TOP2B: variants seen among roughly 807,000 people sequenced by gnomAD.
TOP2B encodes the protein DNA topoisomerase II beta, also known as DNA topoisomerase 2-beta.
TOP2B carries 51 observed loss-of-function variants against 193.5 expected under a neutral mutation model. The ratio of observed to expected loss-of-function variants is 0.26; its 90% CI spans 0.21 to 0.33. The LOEUF is 0.33. Ranked by LOEUF, TOP2B falls within the 10% of genes least tolerant of loss-of-function variation. The pLI is 1.00. For missense variants in TOP2B, 1,378 were observed against 1,909.3 expected (o/e 0.72, Z 5.19); for synonymous variants, 634 against 635.7 (o/e 1.00, Z 0.04).
intron 27 of TOP2B, among the ~76,000 whole-genome samples, chr3:25,614,493 T>A (rs897916387): frequency 6.6e-6 from 1 of 151,946 alleles, no homozygotes. Flanking sequence ...CCTAGAAAAA[T>A]AGCACTAAAA....
At chr3:25,610,702 T>G (rs564935891) in intron 28 of TOP2B, among the ~76,000 whole-genome samples, 2 of 152,200 alleles carry the variant, frequency 1.3e-5, no homozygotes, top group Non-Finnish European at 2.9e-5. Flanking sequence ...TGAAGATTTT[T>G]AAGCCTAACA....
intron 16 of TOP2B, 72 bp downstream of exon 16, chr3:25,627,115 C>T (rs1702821845): frequency 2.8e-6 from 3 of 1,086,370 alleles, no homozygotes; most frequent in African/African-American, 1.6e-5. Context: ...CATAGGGAAC[C>T]AGGACTGGGA....
At chr3:25,652,152 A>G (rs544730788) in intron 1 of TOP2B, among the ~76,000 whole-genome samples, 194 of 152,348 alleles carry the variant, frequency 1.3e-3, no homozygotes, top group Non-Finnish European at 2.3e-3. Context: ...ATATGCATCT[A>G]ACATTACAGT....
rs148988871 is a variant in TOP2B, at chr3:25,603,885, G to T, written c.4489+875C>A. Among the ~76,000 whole-genome samples, 56 of 152,324 alleles carry T rather than the reference G, an allele frequency of 3.7e-4. 1 individual carries two copies. The East Asian group carries it at 0.011, about 29-fold the overall frequency. The stretch of plus-strand genomic sequence containing the variant: ...GTTAAAGGCAGCTGGGAGCAGGGGG[G>T]TGTTAATATTCCAGCACAGTGGCAA... On this transcript the variant is annotated intron_variant, in intron 33 of 35. Transcript: ENST00000264331.
intron 23 of TOP2B, among the ~76,000 whole-genome samples, chr3:25,619,180 T>C (rs182389005): frequency 1.3e-5 from 2 of 152,264 alleles, no homozygotes; most frequent in East Asian, 3.9e-4. Flanking sequence ...ACTGAAAACA[T>C]ACATATTCTA....
chr3:25,637,730 G>A (rs943361240), intron 5 of TOP2B, among the ~76,000 whole-genome samples: 12 of 151,784 alleles, frequency 7.9e-5, no homozygotes, highest in African/African-American at 2.9e-4. Context: ...AACCTATTTG[G>A]GCAACATAAA....
At chr3:25,623,201 A>C (rs1702707431) in intron 21 of TOP2B, among the ~76,000 whole-genome samples, 1 of 152,236 alleles carries the variant, frequency 6.6e-6, no homozygotes, top group African/African-American at 2.4e-5. Context: ...TTGAGAACAG[A>C]AACAAGGTTA....
At chr3:25,641,825 GA>G (rs1703271947) in intron 4 of TOP2B, among the ~76,000 whole-genome samples, 1 of 152,018 alleles carries the variant, frequency 6.6e-6, no homozygotes, top group Non-Finnish European at 1.5e-5. Context: ...CTATGTTTCT[GA>G]TTTAATGCTA....
intron 1 of TOP2B, among the ~76,000 whole-genome samples, chr3:25,659,086 C>T (rs1190629134): frequency 6.6e-6 from 1 of 152,192 alleles, no homozygotes; most frequent in Non-Finnish European, 1.5e-5. Context: ...GCAACGAGCC[C>T]CTTCTTTTAC....
At chr3:25,601,461 A>G (rs1173691716) in intron 33 of TOP2B, among the ~76,000 whole-genome samples, 2 of 152,154 alleles carry the variant, frequency 1.3e-5, no homozygotes, top group Admixed American at 1.3e-4. Context: ...TCTACTAAAA[A>G]TAAAAAAATT....
At chr3:25,634,064 A>C (rs1703034580) in intron 7 of TOP2B, 50 bp from the exon 8 acceptor site, 8 of 1,388,856 alleles carry the variant, frequency 5.8e-6, no homozygotes, top group Non-Finnish European at 6.9e-6. Flanking sequence ...CTGGCAGCTC[A>C]AATAGGTGAA....
chr3:25,634,778 C>CAAAAAAAAAAA (rs34755793), intron 7 of TOP2B, among the ~76,000 whole-genome samples: 1 of 26,564 alleles, frequency 3.8e-5, no homozygotes, highest in Non-Finnish European at 8.3e-5. Context: ...TCTCCCTTAC[C>CAAAAAAAAAAA]AAAAAAAAAA....
rs1373320118 is a variant in TOP2B, at chr3:25,626,868, A to G, written c.2017-4T>C. ...CAATCTTCTTCTTACTAAATGCCTG[A>G]AAGATTCCAGGTAACGATTTTGCAC... On this transcript the variant is annotated splice_region_variant and splice_polypyrimidine_tract_variant and intron_variant, in intron 16 of 35. Coordinates refer to ENST00000264331, the MANE Select transcript of TOP2B (RefSeq NM_001330700.2). 5.8e-6 allele frequency: 9 copies of G among 1,562,858 alleles called. No homozygotes were observed. The highest frequency in any genetic ancestry group is 1.3e-5 in the African/African-American group (1 of 74,138).
intron 6 of TOP2B, 73 bp downstream of exon 6, chr3:25,637,142 C>T: frequency 2.5e-6 from 3 of 1,195,526 alleles, no homozygotes; most frequent in Non-Finnish European, 3.6e-6. Flanking sequence ...TGCAATTTAC[C>T]CAAGGTTCTA....
chr3:25,609,466 T>C, intron 29 of TOP2B, 102 bp downstream of exon 29: 1 of 1,474,318 alleles, frequency 6.8e-7, no homozygotes, highest in Non-Finnish European at 9.1e-7. Context: ...TTGAAGGCAT[T>C]ATTTCAACTA....
At chr3:25,623,073 C>T (rs1469431952) in intron 21 of TOP2B, among the ~76,000 whole-genome samples, 1 of 152,198 alleles carries the variant, frequency 6.6e-6, no homozygotes, top group Non-Finnish European at 1.5e-5. Context: ...CCACCACGCC[C>T]AGCCTTGGGG....
intron 31 of TOP2B, 29 bp downstream of exon 31, chr3:25,607,137 TAACTA>T (rs1377194653): frequency 5.6e-6 from 9 of 1,602,822 alleles, no homozygotes; most frequent in Non-Finnish European, 7.7e-6. Context: ...TTACAACAAT[TAACTA>T]TACCACATCA....
chr3:25,607,057 A>C (rs1385216936), intron 31 of TOP2B, 114 bp downstream of exon 31: 7 of 1,396,596 alleles, frequency 5.0e-6, no homozygotes, highest in Non-Finnish European at 5.7e-6. Flanking sequence ...TGATTCCTTC[A>C]TGAAGAAGAA....
rs549262348 is a variant in TOP2B at position 25,638,262 on chromosome 3, T to C, written c.444A>G (p.Val148=). Residue 148 remains valine, a synonymous_variant, in exon 5 of 36, where the codon GTA becomes GTG. Coordinates refer to ENST00000264331, the MANE Select transcript of TOP2B (RefSeq NM_001330700.2). Reference sequence around the variant, plus strand: ...AAACTTTCTCTACCTTGTGTTCTACTACTGGAATGCCTTTCCCATTATTCC... The same window carrying C: ...AAACTTTCTCTACCTTGTGTTCTACCACTGGAATGCCTTTCCCATTATTCC... The part of the protein sequence containing the change: ...SIWNNGKGIP[V]VEHKVEKVYV... 1.5e-4 allele frequency: 222 copies of C among 1,441,366 alleles called. 1 individual carries two copies. In the South Asian group the frequency reaches 2.5e-3, roughly 16 times the overall value. The allele number at this position is 1,441,366 out of a possible 1,614,324, so 89.3% of individuals were successfully genotyped here. A position where few individuals can be genotyped will look rare whatever the true frequency, so the allele number is the denominator to read the frequency against.
Sources: allele counts gnomAD v4.1 joint callset (sites outside exome capture counted in the v4.1 genomes callset), GRCh38; gene constraint gnomAD v4.1.1; transcripts MANE v1.5; gene names NCBI Gene and HGNC (gene_info 2026-07-23, HGNC 2026-07-21).